SMC2: variants seen among roughly 807,000 people sequenced by gnomAD.
The protein encoded by SMC2 is structural maintenance of chromosomes protein 2.
In SMC2, 41 loss-of-function variants were observed where a neutral mutation model predicts 142.6. The observed-to-expected ratio is 0.29, with a 90% confidence interval of 0.22 to 0.37. The LOEUF is 0.37. SMC2 is among the 10% of genes least tolerant of loss of function. The pLI is 1.00. For missense variants in SMC2, 1,265 were observed against 1,373.7 expected, an observed-to-expected ratio of 0.92 and a Z score of 1.25; for synonymous variants, 463 against 457.5, an observed-to-expected ratio of 1.01 and a Z score of -0.15.
chr9:104,102,375 C>A, intron 8 of SMC2, 49 bp from the exon 9 acceptor site: 1 of 1,514,570 alleles, frequency 6.6e-7, no homozygotes, highest in Non-Finnish European at 8.9e-7. Flanking sequence ...AAAATGACAG[C>A]GTGAACAAAT....
Position 104,127,465 on chromosome 9 carries a change from A to AGAT in SMC2, c.2777_2779dup (p.Asp926dup). ...TCAGCAAACATAAACGGGAGGCTGA[A>AGAT]GATGGTGCTGCAAAGGTATACGTTT... is the stretch of plus-strand genomic sequence containing the variant. On this transcript the variant is annotated inframe_insertion, in exon 20 of 25. Transcript: ENST00000374793. 6.2e-7 allele frequency: 1 copy of AGAT among 1,609,566 alleles called. No homozygotes were observed. The highest frequency in any genetic ancestry group is 1.1e-5 in the South Asian group (1 of 90,546).
At chr9:104,093,945 A>G (rs1299773531), upstream of SMC2, among the ~76,000 whole-genome samples, 1 of 152,318 alleles carries the variant, frequency 6.6e-6, no homozygotes, top group South Asian at 2.1e-4. Flanking sequence ...CGCTTTGAGG[A>G]GAGAAAAGTA....
intron 24 of SMC2, 134 bp from the exon 25 acceptor site, chr9:104,139,005 A>C (rs1260656722): frequency 2.0e-6 from 1 of 495,972 alleles, no homozygotes; most frequent in Admixed American, 4.4e-5. Context: ...GACAGCTAGC[A>C]TTCATTTAGG....
chr9:104,111,453 A>G, intron 9 of SMC2, 128 bp from the exon 10 acceptor site: 1 of 596,126 alleles, frequency 1.7e-6, no homozygotes, highest in Admixed American at 3.3e-5. Context: ...TAAAGTTATG[A>G]TGGTTAAATT....
In SMC2 at chr9:104,139,719, A is replaced by T. The variant is rs911958141; in HGVS notation, c.*404A>T. 6.4e-6 allele frequency: 1 copy of T among 157,322 alleles called. No individual in the cohort carries two copies. Among genetic ancestry groups the T allele is most frequent in the Non-Finnish European group, 1.4e-5 (1 of 71,910 alleles). 9.7% of individuals were successfully genotyped at this position (157,322 alleles called of 1,614,324 possible). A position where few individuals can be genotyped will look rare whatever the true frequency, so the allele number is the denominator to read the frequency against. ...ATTAATGTGTTTTCTAAAGTCATTC[A>T]GGTAAGGAAGAATTATAAATCAGGT... On this transcript the variant is annotated 3_prime_UTR_variant, in exon 25 of 25. Transcript: ENST00000374793.
At chr9:104,107,684 A>G (rs778906812) in intron 9 of SMC2, among the ~76,000 whole-genome samples, 5 of 152,310 alleles carry the variant, frequency 3.3e-5, no homozygotes, top group Non-Finnish European at 7.3e-5. Context: ...TTGTTTGACT[A>G]TATCTGGGAT....
At chr9:104,100,529 G>GT (rs1434825588) in intron 7 of SMC2, 96 bp downstream of exon 7, 80 of 805,292 alleles carry the variant, frequency 9.9e-5, no homozygotes, top group Middle Eastern at 4.7e-4. Flanking sequence ...TTTCTTGGGG[G>GT]TTTTTTTCCT....
chr9:104,135,880 G>A, intron 23 of SMC2: 1 of 518,724 alleles, frequency 1.9e-6, no homozygotes, highest in South Asian at 1.4e-5. Flanking sequence ...AAAAACAGCA[G>A]AACCATACTA....
Position 104,094,399 on chromosome 9 carries a change from C to T in SMC2, c.-140C>T. 2.5e-6 allele frequency: 1 copy of T among 398,906 alleles called. No homozygotes were observed. Among genetic ancestry groups the T allele is most frequent in the Non-Finnish European group, 4.4e-6 (1 of 226,308 alleles). 24.7% of individuals were successfully genotyped at this position (398,906 alleles called of 1,614,324 possible). On this transcript the variant is annotated 5_prime_UTR_variant, in exon 1 of 25. Coordinates refer to ENST00000374793, the MANE Select transcript of SMC2 (RefSeq NM_006444.3). Reference sequence around the variant, plus strand: ...GAAGTTCGCTTTGTAGCGGCCCCGGCTAGAGAGTTGTTCTGTTCCCTGCCT... The same window carrying T: ...GAAGTTCGCTTTGTAGCGGCCCCGGTTAGAGAGTTGTTCTGTTCCCTGCCT...
In SMC2 at chr9:104,140,204, G is replaced by GAT. The variant is rs1219175425; in HGVS notation, c.*898_*899dup. 6.6e-6 allele frequency: 1 copy of GAT among 151,960 alleles called. No homozygotes were observed. Among genetic ancestry groups the GAT allele is most frequent in the African/African-American group, 2.4e-5 (1 of 41,394 alleles). The allele number at this position is 151,960 out of a possible 1,614,324, so 9.4% of individuals were successfully genotyped here. ...ACCAAATTTATTTTTCCCTGAGTCTGATATATATATGTATAAATATAAATA... is the reference window on the plus strand; with the variant it reads ...ACCAAATTTATTTTTCCCTGAGTCTGATATATATATATGTATAAATATAAATA... On this transcript the variant is annotated 3_prime_UTR_variant, in exon 25 of 25. Coordinates refer to ENST00000374793, the MANE Select transcript of SMC2 (RefSeq NM_006444.3).
chr9:104,135,012 G>T (rs946568450), intron 23 of SMC2, among the ~76,000 whole-genome samples: 3 of 151,976 alleles, frequency 2.0e-5, no homozygotes, highest in African/African-American at 7.3e-5. Context: ...CTGAAGTGAA[G>T]CCTAATGTAG....
intron 23 of SMC2, 39 bp from the exon 24 acceptor site, chr9:104,137,979 A>G: frequency 6.8e-7 from 1 of 1,476,658 alleles, no homozygotes; most frequent in Non-Finnish European, 9.1e-7. Context: ...TAAGTGATAA[A>G]ATCAAATTTT....
At chr9:104,130,607 G>A (rs763327179) in intron 21 of SMC2, among the ~76,000 whole-genome samples, 2 of 151,896 alleles carry the variant, frequency 1.3e-5, no homozygotes, top group Non-Finnish European at 2.9e-5. Context: ...AACTGTTTTT[G>A]GCATGAATAT....
chr9:104,138,301 G>A (rs1206971976), intron 24 of SMC2, 136 bp downstream of exon 24: 2 of 651,622 alleles, frequency 3.1e-6, no homozygotes, highest in African/African-American at 3.7e-5. Flanking sequence ...TATTTAAATA[G>A]ACTTATGTTT....
intron 20 of SMC2, 111 bp downstream of exon 20, chr9:104,127,591 T>C: frequency 1.5e-6 from 1 of 668,652 alleles, no homozygotes; most frequent in Non-Finnish European, 2.3e-6. Flanking sequence ...ATGGCAAAAT[T>C]ACAGCCTGGC....
chr9:104,138,911 C>T (rs1696760219), intron 24 of SMC2, among the ~76,000 whole-genome samples: 1 of 152,002 alleles, frequency 6.6e-6, no homozygotes, highest in South Asian at 2.1e-4. Flanking sequence ...CAAAAGATAG[C>T]AACAAGCAGT....
intron 20 of SMC2, among the ~76,000 whole-genome samples, 200 bp from the exon 21 acceptor site, chr9:104,129,445 T>G (rs1216637190): frequency 6.6e-6 from 1 of 150,566 alleles, no homozygotes; most frequent in Non-Finnish European, 1.5e-5. Flanking sequence ...TAAGTTGCGG[T>G]CAGCCAAGAT....
intron 15 of SMC2, among the ~76,000 whole-genome samples, chr9:104,119,177 A>G (rs1833455361): frequency 6.6e-6 from 1 of 152,208 alleles, no homozygotes; most frequent in African/African-American, 2.4e-5. Flanking sequence ...TCTCCAGTAC[A>G]CAATCAAATG....
intron 15 of SMC2, 143 bp from the exon 16 acceptor site, chr9:104,119,884 T>C: frequency 1.3e-6 from 1 of 779,610 alleles, no homozygotes; most frequent in East Asian, 2.6e-5. Flanking sequence ...GTTCAGGTGA[T>C]GGAATGAATT....
Sources: allele counts gnomAD v4.1 joint callset (sites outside exome capture counted in the v4.1 genomes callset), GRCh38; gene constraint gnomAD v4.1.1; transcripts MANE v1.5; gene names NCBI Gene and HGNC (gene_info 2026-07-23, HGNC 2026-07-21).